Variants in C2orf76 observed in about 807,000 individuals in gnomAD.
C2orf76 encodes UPF0538 protein C2orf76.
Under a neutral mutation model 16.9 loss-of-function variants are expected in C2orf76, and 23 were observed. The observed-to-expected ratio is 1.36, with a 90% CI of 0.98 to 1.93. The LOEUF (loss-of-function observed/expected upper bound fraction) is 1.93. Among genes scored for constraint, C2orf76 ranks in the 30% most tolerant of loss-of-function variants. C2orf76 has a pLI of 0.00. For synonymous variants in C2orf76, 48 were observed against 52.3 expected, an observed-to-expected ratio of 0.92 and a Z score of 0.35; for missense variants, 152 against 152.6, an observed-to-expected ratio of 1.00 and a Z score of 0.02.
upstream of C2orf76, chr2:119,366,988 G>A (rs1455172484): frequency 2.5e-6 from 4 of 1,609,042 alleles, no homozygotes; most frequent in Non-Finnish European, 1.7e-6. Flanking sequence ...GTGCAATCTG[G>A]GCGATCGCTT....
intron 2 of C2orf76, among the ~76,000 whole-genome samples, chr2:119,336,516 T>C (rs539252795): frequency 1.3e-5 from 2 of 152,142 alleles, no homozygotes; most frequent in East Asian, 3.9e-4. Flanking sequence ...GCTCTAGGGC[T>C]GTGATTCTCA....
chr2:119,286,439 A>G, the C2orf76 span, among the ~76,000 whole-genome samples: 8 of 152,114 alleles, frequency 5.3e-5, no homozygotes, highest in Non-Finnish European at 1.0e-4. Flanking sequence ...CAGAGACCAG[A>G]GTGGGAAGTC....
At chr2:119,366,850 C>A (rs1312216263), upstream of C2orf76, 2 of 670,192 alleles carry the variant, frequency 3.0e-6, no homozygotes, top group Middle Eastern at 4.2e-4. Context: ...CACGTGGGCT[C>A]GGGCGGGGCT....
the C2orf76 span, among the ~76,000 whole-genome samples, chr2:119,288,680 C>T: frequency 2.0e-5 from 3 of 152,006 alleles, no homozygotes; most frequent in Non-Finnish European, 2.9e-5. Context: ...AGCTCCAACC[C>T]CGACACTGGC....
At chr2:119,291,357 T>C in the C2orf76 span, among the ~76,000 whole-genome samples, 1 of 151,682 alleles carries the variant, frequency 6.6e-6, no homozygotes, top group East Asian at 1.9e-4. Flanking sequence ...CTCCACCCCA[T>C]CCCACCTGAA....
At chr2:119,319,161 T>C (rs1679268360) in intron 3 of C2orf76, among the ~76,000 whole-genome samples, 1 of 152,204 alleles carries the variant, frequency 6.6e-6, no homozygotes, top group African/African-American at 2.4e-5. Context: ...ATATTAATCC[T>C]GTTCTATATA....
intron 1 of C2orf76, among the ~76,000 whole-genome samples, chr2:119,361,842 G>GT (rs112429464): frequency 0.16 from 24,884 of 152,046 alleles, 2,152 homozygotes; most frequent in African/African-American, 0.2. Context: ...TCAAAATAGT[G>GT]TTTTTTTGAA....
chr2:119,300,300 G>A (rs1027390700), downstream of C2orf76, among the ~76,000 whole-genome samples: 5 of 151,846 alleles, frequency 3.3e-5, no homozygotes, highest in Non-Finnish European at 5.9e-5. Context: ...TCTTCCCCTC[G>A]GCCCCTGCCC....
intron 2 of C2orf76, among the ~76,000 whole-genome samples, chr2:119,321,767 A>G (rs775777963): frequency 3.9e-5 from 6 of 152,322 alleles, no homozygotes; most frequent in Admixed American, 6.5e-5. Flanking sequence ...CTAAGACTTC[A>G]GTAACACTAT....
intron 1 of C2orf76, among the ~76,000 whole-genome samples, chr2:119,348,011 C>A (rs549461788): frequency 1.7e-3 from 234 of 138,268 alleles, no homozygotes; most frequent in Non-Finnish European, 2.7e-3. Context: ...CACACCACTA[C>A]TCTCCAGCCT....
At chr2:119,314,014 G>GCTTTTTT (rs1553446123) in intron 4 of C2orf76, among the ~76,000 whole-genome samples, 1 of 86,140 alleles carries the variant, frequency 1.2e-5, no homozygotes, top group South Asian at 4.8e-4. Context: ...TTTCTCAGTG[G>GCTTTTTT]TTTTTTTTTT....
Position 119,339,893 on chromosome 2 carries a change from G to C in C2orf76, c.67C>G (p.Pro23Ala). Residue 23 changes from proline to alanine, a missense_variant, in exon 2 of 6, where the codon CCT (proline) becomes GCT (alanine). Pro to Ala is a conservative substitution (Grantham distance 27). Coordinates refer to ENST00000334816, the MANE Select transcript of C2orf76 (RefSeq NM_001322331.2). ...IRSFEHRNFK[P>A]VVYHGVNLDQ... ...AAATTCACTCCGTGATACACTACAG[G>C]TTTGAAATTGCGATGTTCAAAGGAA... 1 of 1,613,292 alleles carries C rather than the reference G, an allele frequency of 6.2e-7. No homozygotes were observed. The highest frequency in any genetic ancestry group is 2.2e-5 in the East Asian group (1 of 44,872).
At position 119,302,398 on chromosome 2, in the gene C2orf76, G is replaced by C; in HGVS notation, c.*74C>G. 1.6e-6 allele frequency: 1 copy of C among 611,544 alleles called. No individual in the cohort carries two copies. Among genetic ancestry groups the C allele is most frequent in the Non-Finnish European group, 2.9e-6 (1 of 345,318 alleles). The allele number at this position is 611,544 out of a possible 1,614,324, so 37.9% of individuals were successfully genotyped here. On this transcript the variant is annotated 3_prime_UTR_variant, in exon 6 of 6. Transcript: ENST00000334816. ...GGGATTAATTTTTTAAGATTTGTTT[G>C]TCAATTTCAAAAATTCAGCAGTGGA... is the stretch of plus-strand genomic sequence containing the variant.
intron 3 of C2orf76, among the ~76,000 whole-genome samples, chr2:119,318,090 C>A (rs1679231027): frequency 6.6e-6 from 1 of 152,108 alleles, no homozygotes; most frequent in African/African-American, 2.4e-5. Flanking sequence ...CTGCTCTATT[C>A]AAACCCAACT....
chr2:119,320,604 TA>T (rs2104564986), intron 3 of C2orf76, among the ~76,000 whole-genome samples: 1 of 152,262 alleles, frequency 6.6e-6, no homozygotes, highest in African/African-American at 2.4e-5. Context: ...AAATCTAAGG[TA>T]ATAAAAAATT....
the C2orf76 span, among the ~76,000 whole-genome samples, chr2:119,291,434 C>T: frequency 1.3e-5 from 2 of 151,616 alleles, no homozygotes; most frequent in Non-Finnish European, 2.9e-5. Context: ...TTTAAAGTGC[C>T]GGCTGTTGTT....
intron 1 of C2orf76, among the ~76,000 whole-genome samples, chr2:119,360,641 T>C (rs1385100577): frequency 6.6e-6 from 1 of 152,224 alleles, no homozygotes; most frequent in East Asian, 1.9e-4. Flanking sequence ...ATGTCAGTGG[T>C]CTGTGACCAA....
Position 119,339,970 on chromosome 2 carries a change from T to C in C2orf76, c.-11A>G. On this transcript the variant is annotated splice_region_variant and 5_prime_UTR_variant, in exon 2 of 6. Coordinates refer to ENST00000334816, the MANE Select transcript of C2orf76 (RefSeq NM_001322331.2). ...TTCTCCAGGAGCCATGTGAAGAAAT[T>C]CCTGTGGCAAGAGACATGAGAACCA... 3.7e-6 allele frequency: 6 copies of C among 1,606,528 alleles called. No homozygotes were observed. The highest frequency in any genetic ancestry group is 5.1e-6 in the Non-Finnish European group (6 of 1,173,784).
At chr2:119,294,795 C>T in the C2orf76 span, among the ~76,000 whole-genome samples, 1 of 152,182 alleles carries the variant, frequency 6.6e-6, no homozygotes, top group Non-Finnish European at 1.5e-5. Context: ...CTCCACCCCA[C>T]CACGCGCAGT....
Sources: allele counts gnomAD v4.1 joint callset (sites outside exome capture counted in the v4.1 genomes callset), GRCh38; gene constraint gnomAD v4.1.1; transcripts MANE v1.5; gene names NCBI Gene and HGNC (gene_info 2026-07-23, HGNC 2026-07-21).